CNOT1: variants seen among roughly 807,000 people sequenced by gnomAD.
CNOT1 encodes the protein CCR4-associated factor 1.
CNOT1 carries 15 observed loss-of-function variants against 273.8 expected under a neutral mutation model. The observed-to-expected ratio is 0.05, with a 90% CI of 0.04 to 0.08. CNOT1 has a LOEUF of 0.08. Among genes scored for constraint, CNOT1 ranks in the 10% least tolerant of loss-of-function variants. The pLI is 1.00. For synonymous variants in CNOT1, 1,022 were observed against 1,005.5 expected (o/e 1.02, Z -0.31); for missense variants, 1,644 against 2,912.2 (o/e 0.56, Z 10.02).
chr16:58,557,218 TA>T (rs1299214912), intron 18 of CNOT1, among the ~76,000 whole-genome samples: 3 of 152,236 alleles, frequency 2.0e-5, no homozygotes, highest in African/African-American at 7.2e-5. Context: ...CATCTGGAAT[TA>T]TTTATATTCT....
rs980389213 is a variant in CNOT1 at position 58,553,660 on chromosome 16, T to C, written c.2970+122A>G. The C allele has an allele frequency of 8.7e-6, 11 of 1,258,270 alleles. No homozygotes were observed. The Admixed American group carries it at 2.6e-4, about 30-fold the overall frequency. The allele number at this position is 1,258,270 out of a possible 1,614,324, so 77.9% of individuals were successfully genotyped here. A position where few individuals can be genotyped will look rare whatever the true frequency, so the allele number is the denominator to read the frequency against. Reference sequence around the variant, plus strand: ...CCTCAACAAAAGATATGTGTACCTATATCATGCCAATCATTAAGAAATCTT... The same window carrying C: ...CCTCAACAAAAGATATGTGTACCTACATCATGCCAATCATTAAGAAATCTT... On this transcript the variant is annotated intron_variant, in intron 22 of 48. Transcript: ENST00000317147.
In CNOT1 at chr16:58,547,707, G is replaced by A. The variant is rs780933091; in HGVS notation, c.3523-25C>T. On this transcript the variant is annotated intron_variant, in intron 25 of 48. Transcript: ENST00000317147. The surrounding 1 kb of genome is among the most constrained non-coding windows in gnomAD (Gnocchi z 4.0). The stretch of plus-strand genomic sequence containing the variant: ...CCTGAAATAGTGTAAGATTAAGAAA[G>A]ATATGAGAATAAGCTTATGAAAGAA... 28 of 1,599,696 alleles carry A rather than the reference G, an allele frequency of 1.8e-5. No homozygotes were observed. The highest frequency in any genetic ancestry group is 1.9e-5 in the Non-Finnish European group (22 of 1,171,892).
intron 1 of CNOT1, among the ~76,000 whole-genome samples, chr16:58,627,429 C>T (rs1375899393): frequency 5.5e-5 from 5 of 90,194 alleles, no homozygotes; most frequent in African/African-American, 2.5e-4. Flanking sequence ...AAAAAAGTTT[C>T]TCATAACCAG....
At chr16:58,555,983 A>AG (rs1215707605) in intron 19 of CNOT1, 75 bp from the exon 20 acceptor site, 2 of 1,576,708 alleles carry the variant, frequency 1.3e-6, no homozygotes, top group Middle Eastern at 1.7e-4. Context: ...AGCCAGCCAG[A>AG]GACTATTATA....
intron 6 of CNOT1, 104 bp from the exon 7 acceptor site, chr16:58,586,852 G>C: frequency 7.8e-7 from 1 of 1,276,282 alleles, no homozygotes. Flanking sequence ...TCATTCACCA[G>C]TTCACCCATC....
intron 16 of CNOT1, among the ~76,000 whole-genome samples, chr16:58,573,230 C>T (rs1470166487): frequency 2.0e-5 from 3 of 149,638 alleles, no homozygotes; most frequent in Non-Finnish European, 4.4e-5. Context: ...CACTTGAACC[C>T]GGGAGGCAGA....
intron 43 of CNOT1, among the ~76,000 whole-genome samples, chr16:58,529,867 A>C (rs915887977): frequency 6.9e-6 from 1 of 144,296 alleles, no homozygotes; most frequent in Admixed American, 7.0e-5. Context: ...AAAAAAAAAA[A>C]AAGATAAATC....
chr16:58,617,352 G>A (rs1047279215), intron 1 of CNOT1, among the ~76,000 whole-genome samples: 4 of 151,602 alleles, frequency 2.6e-5, no homozygotes, highest in Admixed American at 2.6e-4. Flanking sequence ...CAGAGCAAGA[G>A]TGTCTCAAAA....
intron 44 of CNOT1, among the ~76,000 whole-genome samples, chr16:58,526,944 C>T (rs562711637): frequency 2.0e-5 from 3 of 151,374 alleles, no homozygotes; most frequent in East Asian, 2.0e-4. Context: ...GGCAGGAGGA[C>T]GGCTTGAGCA....
At chr16:58,584,655 AT>A (rs1312651474) in intron 8 of CNOT1, among the ~76,000 whole-genome samples, 1 of 152,142 alleles carries the variant, frequency 6.6e-6, no homozygotes, top group East Asian at 1.9e-4. Context: ...TTCACTATGC[AT>A]CTTATTCAGT....
Position 58,532,407 on chromosome 16 carries a change from A to G in CNOT1, c.5896-12T>C. On this transcript the variant is annotated splice_polypyrimidine_tract_variant and intron_variant, in intron 40 of 48. Coordinates refer to ENST00000317147, the MANE Select transcript of CNOT1 (RefSeq NM_016284.5). Reference sequence around the variant, plus strand: ...ACTATACCAAGGACCTACGTAAAACACAAATCAGAGCTTGTAAATCATTCA... The same window carrying G: ...ACTATACCAAGGACCTACGTAAAACGCAAATCAGAGCTTGTAAATCATTCA... The G allele has an allele frequency of 1.9e-6, 3 of 1,608,744 alleles. No individual in the cohort carries two copies. The highest frequency in any genetic ancestry group is 2.6e-6 in the Non-Finnish European group (3 of 1,175,670).
rs777201896 is a variant in CNOT1, at chr16:58,553,770, G to C, written c.2970+12C>G. 2.5e-6 allele frequency: 4 copies of C among 1,606,372 alleles called. No individual in the cohort carries two copies. Among genetic ancestry groups the C allele is most frequent in the Non-Finnish European group, 3.4e-6 (4 of 1,178,060 alleles). On this transcript the variant is annotated intron_variant, in intron 22 of 48. Transcript: ENST00000317147. ...CATAGCTATTTGGGTTTTAGTTACA[G>C]AGGGCACTTACCTCCTGTAAATGAT...
At chr16:58,625,853 G>A (rs1310409361) in intron 1 of CNOT1, among the ~76,000 whole-genome samples, 3 of 86,248 alleles carry the variant, frequency 3.5e-5, no homozygotes, top group African/African-American at 1.1e-4. Context: ...GTGAAACCCT[G>A]TCTCAAAAAA....
At position 58,526,064 on chromosome 16, in the gene CNOT1, G is replaced by C. The variant is rs2151894515; in HGVS notation, c.6528C>G (p.Phe2176Leu). ...TNFTGVMPPQ[F>L]KKDLDSYLKT... ...TAAGATAGGAATCCAAATCCTTTTT[G>C]AACTGAGGTGGCATTACTCCAGTGA... Residue 2176 changes from phenylalanine (F) to leucine (L), a missense_variant, in exon 45 of 49, where the codon TTC (phenylalanine) becomes TTG (leucine). By Grantham distance (22) the Phe-to-Leu change is conservative. Transcript: ENST00000317147. 4 of 1,614,008 alleles carry C rather than the reference G, an allele frequency of 2.5e-6. No individual in the cohort carries two copies. The highest frequency in any genetic ancestry group is 3.4e-6 in the Non-Finnish European group (4 of 1,179,932).
intron 1 of CNOT1, among the ~76,000 whole-genome samples, chr16:58,624,062 A>C (rs532610515): frequency 5.9e-4 from 90 of 152,196 alleles, no homozygotes; most frequent in Non-Finnish European, 8.8e-4. Flanking sequence ...TGAACAAAAG[A>C]AGGGGGTATT....
intron 27 of CNOT1, among the ~76,000 whole-genome samples, chr16:58,546,955 C>A (rs558026877): frequency 6.6e-6 from 1 of 152,286 alleles, no homozygotes; most frequent in African/African-American, 2.4e-5. Flanking sequence ...GCCTTCTCAC[C>A]TATATCACAT....
intron 43 of CNOT1, 77 bp downstream of exon 43, chr16:58,530,169 A>G (rs1567387632): frequency 8.3e-7 from 1 of 1,199,940 alleles, no homozygotes; most frequent in African/African-American, 1.6e-5. Flanking sequence ...TAAAAACAAA[A>G]TAAGGCCTCA....
At position 58,629,803 on chromosome 16, in the gene CNOT1, G is replaced by C. The variant is rs2043758188; in HGVS notation, c.-250C>G. ...TCCGGCTCTCCTCGACCCCCTCTTC[G>C]GTTAACTCCGCTTGTTTCTCTACAA... On this transcript the variant is annotated 5_prime_UTR_variant, in exon 1 of 49. Transcript: ENST00000317147. 1 of 152,276 alleles carries C rather than the reference G, an allele frequency of 6.6e-6. No individual in the cohort carries two copies. The highest frequency in any genetic ancestry group is 2.4e-5 in the African/African-American group (1 of 41,454). 9.4% of individuals were successfully genotyped at this position (152,276 alleles called of 1,614,324 possible).
chr16:58,583,018 C>T lies in CNOT1; in HGVS notation c.933+38G>A, dbSNP rs778217798. 9 of 1,613,134 alleles carry T rather than the reference C, an allele frequency of 5.6e-6. No homozygotes were observed. In the East Asian group the frequency reaches 8.9e-5, roughly 16 times the overall value. On this transcript the variant is annotated intron_variant, in intron 9 of 48. Coordinates refer to ENST00000317147, the MANE Select transcript of CNOT1 (RefSeq NM_016284.5). ...TTAAAAAAAAATAAAGAGGACAGGA[C>T]ATTAACTCACTTGGTAAAATAGCTG...
Sources: allele counts gnomAD v4.1 joint callset (sites outside exome capture counted in the v4.1 genomes callset), GRCh38; gene constraint gnomAD v4.1.1; non-coding constraint Gnocchi (gnomAD v3.1); transcripts MANE v1.5; gene names NCBI Gene and HGNC (gene_info 2026-07-23, HGNC 2026-07-21).